Variants in DNM3 observed in about 807,000 individuals in gnomAD.
DNM3 encodes dynamin 3, also known as dynamin-3.
DNM3 carries 47 observed loss-of-function variants against 101.6 expected under a neutral mutation model. That is an observed-to-expected ratio of 0.46 (90% confidence interval 0.37 to 0.59). The LOEUF is 0.59. DNM3 is among the 20% of genes least tolerant of loss of function. The probability of loss-of-function intolerance (pLI) is 0.00; values close to 1 mark genes in which losing one functional copy is unlikely to be tolerated. For synonymous variants in DNM3, 385 were observed against 387.9 expected (o/e 0.99, Z 0.09); for missense variants, 849 against 1,085.7 (o/e 0.78, Z 3.06).
intron 12 of DNM3, among the ~76,000 whole-genome samples, chr1:172,090,126 AG>A (rs2053808683): frequency 6.6e-6 from 1 of 152,218 alleles, no homozygotes; most frequent in Non-Finnish European, 1.5e-5. Flanking sequence ...GTTCAAAGGA[AG>A]CACCTGTGGG....
intron 20 of DNM3, among the ~76,000 whole-genome samples, chr1:172,395,555 A>G (rs911189979): frequency 6.6e-6 from 1 of 152,230 alleles, no homozygotes; most frequent in African/African-American, 2.4e-5. Flanking sequence ...TAAATGCTTC[A>G]TCTTTCACTC....
intron 13 of DNM3, among the ~76,000 whole-genome samples, chr1:172,117,816 G>A (rs552122841): frequency 1.3e-5 from 2 of 152,248 alleles, no homozygotes; most frequent in South Asian, 4.2e-4. Context: ...TAAATCCTTA[G>A]AAGCACTGAA....
In DNM3 at chr1:172,378,451, T is replaced by C. The variant is rs1361993401; in HGVS notation, c.1894-567T>C. ...TAGTAGTGATGACAGAAGCATGAAT[T>C]TACGTAACAAATTCCAGCAAGTGCA... On this transcript the variant is annotated intron_variant, in intron 17 of 20. Coordinates refer to ENST00000627582, the MANE Select transcript of DNM3 (RefSeq NM_015569.5). Among the ~76,000 whole-genome samples the C allele has an allele frequency of 2.6e-5, 4 of 152,104 alleles. No homozygotes were observed. The South Asian group carries it at 6.2e-4, about 24-fold the overall frequency.
intron 1 of DNM3, among the ~76,000 whole-genome samples, chr1:171,888,412 A>G (rs1034937291): frequency 6.6e-6 from 1 of 152,212 alleles, no homozygotes; most frequent in African/African-American, 2.4e-5. Flanking sequence ...GGATTATAAA[A>G]CTGGCATAGA....
At chr1:171,964,867 CT>C (rs979042549) in intron 2 of DNM3, among the ~76,000 whole-genome samples, 79 of 146,082 alleles carry the variant, frequency 5.4e-4, no homozygotes, top group Admixed American at 6.2e-4. Flanking sequence ...GTTGTGGCAC[CT>C]TTTTTTTTTT....
intron 4 of DNM3, among the ~76,000 whole-genome samples, chr1:172,026,252 T>C (rs1193176753): frequency 1.3e-5 from 2 of 151,614 alleles, no homozygotes; most frequent in East Asian, 1.9e-4. Context: ...AAGACAAAAT[T>C]AGAGAAAAAA....
chr1:171,883,016 A>C (rs905546213), intron 1 of DNM3, among the ~76,000 whole-genome samples: 8 of 151,758 alleles, frequency 5.3e-5, no homozygotes, highest in African/African-American at 1.9e-4. Context: ...TAGTGTATAC[A>C]TATTAATATG....
rs780614209 is a variant in DNM3 at position 172,032,441 on chromosome 1, T to C, written c.629T>C (p.Met210Thr). 2 of 1,612,766 alleles carry C rather than the reference T, an allele frequency of 1.2e-6. No individual in the cohort carries two copies. Among genetic ancestry groups the C allele is most frequent in the South Asian group, 2.2e-5 (2 of 91,016 alleles). ...TIGVITKLDL[M>T]DEGTDARDVL... ...GGAGTTATCACCAAACTGGACCTTATGGATGAAGGAACGGATGCCAGGGAT... is the reference window on the plus strand; with the variant it reads ...GGAGTTATCACCAAACTGGACCTTACGGATGAAGGAACGGATGCCAGGGAT... Residue 210 changes from methionine (M) to threonine (T), a missense_variant, in exon 5 of 21, where the codon ATG (methionine) becomes ACG (threonine). Physicochemically the swap from Met to Thr is moderately conservative, Grantham distance 81. This residue lies in a region of DNM3 where 388 missense variants were observed against 483.0 expected (regional missense o/e 0.80). Transcript: ENST00000627582.
At chr1:172,099,286 A>G (rs2054469858) in intron 13 of DNM3, among the ~76,000 whole-genome samples, 1 of 152,236 alleles carries the variant, frequency 6.6e-6, no homozygotes. Flanking sequence ...AATGAAGGTC[A>G]TCAACATGCA....
chr1:171,930,711 G>A (rs554014069), intron 2 of DNM3, among the ~76,000 whole-genome samples: 11 of 152,152 alleles, frequency 7.2e-5, no homozygotes, highest in Middle Eastern at 3.4e-3. Flanking sequence ...AGTTTTCTCC[G>A]TTCTCCACGG....
chr1:171,924,072 C>T (rs1376666032), intron 2 of DNM3, among the ~76,000 whole-genome samples: 1 of 152,106 alleles, frequency 6.6e-6, no homozygotes, highest in African/African-American at 2.4e-5. Flanking sequence ...TTTCTTTATC[C>T]AGTCAACTGT....
rs535242126 is a variant in DNM3, at chr1:172,147,209, C to A, written c.1659+15921C>A. 1.9e-4 allele frequency among the ~76,000 whole-genome samples: 29 copies of A among 152,250 alleles called. No homozygotes were observed. The East Asian group carries it at 5.0e-3, about 26-fold the overall frequency. ...CTGACTCCTGCCCTCAAAAAGCTCACACTTACATAAAAAGTTAGGAATACA... is the reference window on the plus strand; with the variant it reads ...CTGACTCCTGCCCTCAAAAAGCTCAAACTTACATAAAAAGTTAGGAATACA... On this transcript the variant is annotated intron_variant, in intron 14 of 20. Coordinates refer to ENST00000627582, the MANE Select transcript of DNM3 (RefSeq NM_015569.5).
intron 10 of DNM3, among the ~76,000 whole-genome samples, chr1:172,058,268 C>T (rs2050821397): frequency 6.6e-6 from 1 of 151,924 alleles, no homozygotes; most frequent in Non-Finnish European, 1.5e-5. Flanking sequence ...ACCCCACTGT[C>T]AACATTAGAC....
At chr1:172,143,182 G>A (rs1418908247) in intron 14 of DNM3, among the ~76,000 whole-genome samples, 1 of 152,112 alleles carries the variant, frequency 6.6e-6, no homozygotes, top group Non-Finnish European at 1.5e-5. Context: ...TTGCTAAAGA[G>A]AACTTGAGTC....
At chr1:172,296,853 A>G (rs61807832) in intron 15 of DNM3, among the ~76,000 whole-genome samples, 11,147 of 152,264 alleles carry the variant, frequency 0.073, 472 homozygotes, top group African/African-American at 0.1. Flanking sequence ...TTTTAAACAT[A>G]GCATCTTGGC....
At chr1:172,320,179 C>T (rs923205049) in intron 16 of DNM3, among the ~76,000 whole-genome samples, 5 of 136,114 alleles carry the variant, frequency 3.7e-5, no homozygotes, top group Non-Finnish European at 6.1e-5. Flanking sequence ...GGGAATTGAA[C>T]AATGAGAACA....
chr1:172,305,721 G>C (rs1194562969), intron 15 of DNM3, among the ~76,000 whole-genome samples: 3 of 152,192 alleles, frequency 2.0e-5, no homozygotes, highest in South Asian at 4.1e-4. Context: ...TGCAAGGCTG[G>C]TTCAACATAC....
chr1:171,919,164 T>G (rs997863842), intron 1 of DNM3, among the ~76,000 whole-genome samples: 1 of 151,674 alleles, frequency 6.6e-6, no homozygotes, highest in African/African-American at 2.4e-5. Flanking sequence ...TAAATTTTTT[T>G]TATTATTATA....
chr1:172,208,551 T>G (rs1046720187), intron 14 of DNM3, among the ~76,000 whole-genome samples: 2 of 152,104 alleles, frequency 1.3e-5, no homozygotes, highest in Non-Finnish European at 2.9e-5. Context: ...CATCAACTCT[T>G]TTCTGGGTCT....
Sources: gnomAD v4.1 joint callset for allele counts (sites outside exome capture counted in the v4.1 genomes callset) on GRCh38, gnomAD v4.1.1 for gene constraint, gnomAD v4.1.1 regional missense constraint, MANE v1.5 for transcripts, NCBI Gene and HGNC (gene_info 2026-07-23, HGNC 2026-07-21) for gene names.